ARFGAP1: variants seen among roughly 807,000 people sequenced by gnomAD.
The protein encoded by ARFGAP1 is ARF GTPase activating protein 1, also known as ADP-ribosylation factor GTPase-activating protein 1.
Under a neutral mutation model 54.0 loss-of-function variants are expected in ARFGAP1, and 26 were observed. The ratio of observed to expected loss-of-function variants is 0.48; its 90% CI spans 0.35 to 0.67. ARFGAP1 has a LOEUF of 0.67. Among genes scored for constraint, ARFGAP1 ranks in the 30% least tolerant of loss-of-function variants. The pLI is 0.00. For synonymous variants in ARFGAP1, 248 were observed against 211.9 expected (o/e 1.17, Z -1.48); for missense variants, 525 against 535.8 (o/e 0.98, Z 0.20).
chr20:63,279,019 A>G (rs1810391990), intron 7 of ARFGAP1, 24 bp downstream of exon 7: 1 of 1,611,626 alleles, frequency 6.2e-7, no homozygotes, highest in African/African-American at 1.3e-5. Flanking sequence ...CCTGCAGAGC[A>G]TCTCCCATGG....
rs181366475 is a variant in ARFGAP1 at position 63,284,610 on chromosome 20, G to A, written c.718-256G>A. 5.0e-4 allele frequency: 676 copies of A among 1,344,874 alleles called. 1 individual carries two copies. The African/African-American group carries it at 5.1e-3, about 10-fold the overall frequency. The allele number at this position is 1,344,874 out of a possible 1,614,324, so 83.3% of individuals were successfully genotyped here. On this transcript the variant is annotated intron_variant, in intron 9 of 12. Transcript: ENST00000370283. ...GCCCGGCAGGGCCGCATGGTGGCGC[G>A]TGAGGGAGGACCCTGGAGGGGGACC...
chr20:63,276,674 C>A lies in ARFGAP1; in HGVS notation c.342+23C>A. On this transcript the variant is annotated intron_variant, in intron 4 of 12. Transcript: ENST00000370283. The surrounding 1 kb of genome is among the most constrained non-coding windows in gnomAD (Gnocchi z 5.2). ...AAGGTAGAGATGGGCCCGATTCACTCTTGCCCATGGTGTGGGGCTGCCCTG... is the reference window on the plus strand; with the variant it reads ...AAGGTAGAGATGGGCCCGATTCACTATTGCCCATGGTGTGGGGCTGCCCTG... 6.3e-7 allele frequency: 1 copy of A among 1,585,386 alleles called. No individual in the cohort carries two copies. Among genetic ancestry groups the A allele is most frequent in the South Asian group, 1.1e-5 (1 of 87,150 alleles).
rs1055572425 is a variant in ARFGAP1, at chr20:63,284,467, A to AG, written c.718-393dup. 9.5e-5 allele frequency: 105 copies of AG among 1,106,236 alleles called. No individual in the cohort carries two copies. In the African/African-American group the frequency reaches 1.6e-3, roughly 16 times the overall value. 68.5% of individuals were successfully genotyped at this position (1,106,236 alleles called of 1,614,324 possible). ...CCAGCCTCCGTGCCCTCTTCCCTCC[A>AG]GGGGGGACTCGGTGCCTGCCTGGGG... On this transcript the variant is annotated intron_variant, in intron 9 of 12. Coordinates refer to ENST00000370283, the MANE Select transcript of ARFGAP1 (RefSeq NM_018209.4).
chr20:63,274,311 A>AGCCC (rs2067177306), intron 1 of ARFGAP1: 1 of 4,948 alleles, frequency 2.0e-4, no homozygotes, highest in African/African-American at 3.8e-4. Flanking sequence ...TGGAGTTGGG[A>AGCCC]CCCCCCCCCC....
chr20:63,283,715 G>A, intron 9 of ARFGAP1: 1 of 898,664 alleles, frequency 1.1e-6, no homozygotes, highest in Non-Finnish European at 1.7e-6. Context: ...GCTGCTCCAG[G>A]GTTGTGTTGC....
In ARFGAP1 at chr20:63,276,720, G is replaced by C; in HGVS notation, c.342+69G>C. The C allele has an allele frequency of 1.3e-6, 2 of 1,491,082 alleles. No individual in the cohort carries two copies. Among genetic ancestry groups the C allele is most frequent in the South Asian group, 1.3e-5 (1 of 74,460 alleles). 92.4% of individuals were successfully genotyped at this position (1,491,082 alleles called of 1,614,324 possible). ...CCCTGCCGTTTGTGGCAGCTGGACTGTGGCCTTTAGTGGTTCTGGAGTCGG... is the reference window on the plus strand; with the variant it reads ...CCCTGCCGTTTGTGGCAGCTGGACTCTGGCCTTTAGTGGTTCTGGAGTCGG... On this transcript the variant is annotated intron_variant, in intron 4 of 12. Transcript: ENST00000370283. The surrounding 1 kb of genome is among the most constrained non-coding windows in gnomAD (Gnocchi z 5.2).
chr20:63,280,477 C>G (rs942836365), intron 7 of ARFGAP1, among the ~76,000 whole-genome samples: 1 of 152,188 alleles, frequency 6.6e-6, no homozygotes, highest in Non-Finnish European at 1.5e-5. Context: ...TTTTTAATAA[C>G]TAGCATGACA....
At chr20:63,286,195 A>G in intron 11 of ARFGAP1, 171 bp from the exon 12 acceptor site, 1 of 1,549,428 alleles carries the variant, frequency 6.5e-7, no homozygotes, top group Non-Finnish European at 8.7e-7. Context: ...GCACCGCTGC[A>G]GAGTGGCCGG....
chr20:63,282,942 C>T, intron 9 of ARFGAP1, 91 bp downstream of exon 9: 1 of 1,386,584 alleles, frequency 7.2e-7, no homozygotes, highest in Non-Finnish European at 1.0e-6. Flanking sequence ...CTGGTTCCCT[C>T]TTCTCAGGCC....
intron 10 of ARFGAP1, chr20:63,285,441 C>A: frequency 1.7e-6 from 1 of 604,006 alleles, no homozygotes; most frequent in Non-Finnish European, 2.9e-6. Context: ...CCGGCAGGGG[C>A]CACGTTTGCA....
Position 63,276,211 on chromosome 20 carries a change from T to G in ARFGAP1, c.170+11T>G. On this transcript the variant is annotated intron_variant, in intron 3 of 12. Coordinates refer to ENST00000370283, the MANE Select transcript of ARFGAP1 (RefSeq NM_018209.4). The surrounding 1 kb of genome is among the most constrained non-coding windows in gnomAD (Gnocchi z 5.2). ...TGGGGTTCACCTCAGGTCAGTGTCC[T>G]GCCGCTCTGGCTCTGCGGAGAGCCT... 6.2e-7 allele frequency: 1 copy of G among 1,613,212 alleles called. No homozygotes were observed. The highest frequency in any genetic ancestry group is 2.2e-5 in the East Asian group (1 of 44,876).
In ARFGAP1 at chr20:63,285,536, G is replaced by A. The variant is rs1171446861; in HGVS notation, c.775-118G>A. ...AGAACTTTCTGGGGCTCAGCCTGAT[G>A]GGTATCCACATGCCCCTGATATTTC... On this transcript the variant is annotated intron_variant, in intron 10 of 12. Coordinates refer to ENST00000370283, the MANE Select transcript of ARFGAP1 (RefSeq NM_018209.4). 2.9e-6 allele frequency: 3 copies of A among 1,050,192 alleles called. No individual in the cohort carries two copies. The African/African-American group carries it at 4.7e-5, about 17-fold the overall frequency. 65.1% of individuals were successfully genotyped at this position (1,050,192 alleles called of 1,614,324 possible). A position where few individuals can be genotyped will look rare whatever the true frequency, so the allele number is the denominator to read the frequency against.
At chr20:63,284,359 C>G in intron 9 of ARFGAP1, 1 of 1,066,934 alleles carries the variant, frequency 9.4e-7, no homozygotes, top group South Asian at 3.4e-5. Context: ...CACCACATCC[C>G]CAGGTGGCCG....
chr20:63,286,048 T>C (rs1252233826), intron 11 of ARFGAP1: 4 of 1,549,106 alleles, frequency 2.6e-6, no homozygotes, highest in Non-Finnish European at 3.5e-6. Context: ...CATTTTGTCC[T>C]GTTTCCTGGC....
chr20:63,275,422 C>T (rs977194766), intron 1 of ARFGAP1, among the ~76,000 whole-genome samples, 155 bp from the exon 2 acceptor site: 1 of 152,162 alleles, frequency 6.6e-6, no homozygotes, highest in African/African-American at 2.4e-5. Context: ...CCTGCGGACC[C>T]CTGCTGCGAG....
rs1483785326 is a variant in ARFGAP1 at position 63,285,041 on chromosome 20, A to G, written c.774+119A>G. The G allele has an allele frequency of 3.4e-6, 4 of 1,192,128 alleles. No individual in the cohort carries two copies. In the East Asian group the frequency reaches 1.0e-4, roughly 31 times the overall value. The allele number at this position is 1,192,128 out of a possible 1,614,324, so 73.8% of individuals were successfully genotyped here. On this transcript the variant is annotated intron_variant, in intron 10 of 12. Coordinates refer to ENST00000370283, the MANE Select transcript of ARFGAP1 (RefSeq NM_018209.4). ...CTGGGACTCAGCGAGGCCAAGCCTC[A>G]CACCCCACCTCTCCAGCACAGGCGT...
intron 7 of ARFGAP1, 112 bp downstream of exon 7, chr20:63,279,107 CT>C: frequency 2.7e-6 from 3 of 1,104,700 alleles, no homozygotes; most frequent in South Asian, 2.6e-5. Flanking sequence ...TTGCCTTGTT[CT>C]GATCTAAGGA....
rs1568743074 is a variant in ARFGAP1 at position 63,285,645 on chromosome 20, T to C, written c.775-9T>C. 6.2e-7 allele frequency: 1 copy of C among 1,613,162 alleles called. No individual in the cohort carries two copies. Among genetic ancestry groups the C allele is most frequent in the Non-Finnish European group, 8.5e-7 (1 of 1,179,640 alleles). On this transcript the variant is annotated splice_polypyrimidine_tract_variant and intron_variant, in intron 10 of 12. Transcript: ENST00000370283. Reference sequence around the variant, plus strand: ...GCCCCCATTAATGCCGCTGTCTTCATCCGTGCAGGTGAAGGAGGGAAAGAT... The same window carrying C: ...GCCCCCATTAATGCCGCTGTCTTCACCCGTGCAGGTGAAGGAGGGAAAGAT...
Position 63,287,978 on chromosome 20 carries a change from G to A in ARFGAP1, c.*105G>A. ...TTTGACCCAAGAATCAGCAACTGCA[G>A]TGTGAGGACAGCGTCTCGGGAGGCA... On this transcript the variant is annotated 3_prime_UTR_variant, in exon 13 of 13. Transcript: ENST00000370283. The A allele has an allele frequency of 7.8e-7, 1 of 1,287,358 alleles. No homozygotes were observed. The highest frequency in any genetic ancestry group is 1.5e-5 in the South Asian group (1 of 66,486). The allele number at this position is 1,287,358 out of a possible 1,614,324, so 79.7% of individuals were successfully genotyped here. A position where few individuals can be genotyped will look rare whatever the true frequency, so the allele number is the denominator to read the frequency against.
Sources: gnomAD v4.1 joint callset for allele counts (sites outside exome capture counted in the v4.1 genomes callset) on GRCh38, gnomAD v4.1.1 for gene constraint, Gnocchi (gnomAD v3.1) non-coding constraint, MANE v1.5 for transcripts, NCBI Gene and HGNC (gene_info 2026-07-23, HGNC 2026-07-21) for gene names.